Variants in WWC2 observed in about 807,000 individuals in gnomAD.
WWC2 encodes WW and C2 domain containing 2.
Under a neutral mutation model 138.5 loss-of-function variants are expected in WWC2, and 101 were observed. That is an observed-to-expected ratio of 0.73 (90% CI 0.62 to 0.86). The LOEUF (loss-of-function observed/expected upper bound fraction) is 0.86. Among genes scored for constraint, WWC2 ranks in the 40% least tolerant of loss-of-function variants. WWC2 has a pLI of 0.00. For missense variants in WWC2, 1,420 were observed against 1,419.4 expected (o/e 1.00, Z -0.01); for synonymous variants, 558 against 538.4 (o/e 1.04, Z -0.50).
At chr4:183,241,960 TGCAA>T (rs891222798) in intron 5 of WWC2, among the ~76,000 whole-genome samples, 1 of 152,226 alleles carries the variant, frequency 6.6e-6, no homozygotes, top group African/African-American at 2.4e-5. Flanking sequence ...GCAGTTTGCT[TGCAA>T]GCAATTTTTA....
At chr4:183,216,681 C>A (rs1560847971) in intron 4 of WWC2, among the ~76,000 whole-genome samples, 1 of 152,026 alleles carries the variant, frequency 6.6e-6, no homozygotes, top group Non-Finnish European at 1.5e-5. Context: ...GGAGAAGGAC[C>A]CAAACATAGT....
chr4:183,105,458 C>A (rs73002992), intron 1 of WWC2, among the ~76,000 whole-genome samples: 1 of 152,106 alleles, frequency 6.6e-6, no homozygotes, highest in African/African-American at 2.4e-5. Flanking sequence ...TTCTTCTTGC[C>A]GATGCAGGAG....
chr4:183,206,458 A>G (rs544843550), intron 2 of WWC2, among the ~76,000 whole-genome samples: 22 of 152,178 alleles, frequency 1.4e-4, no homozygotes, highest in Non-Finnish European at 2.9e-4. Context: ...ACAATACCAT[A>G]GTTTTTATGC....
chr4:183,195,231 A>C (rs1235645427), intron 2 of WWC2, among the ~76,000 whole-genome samples: 1 of 152,226 alleles, frequency 6.6e-6, no homozygotes, highest in Non-Finnish European at 1.5e-5. Flanking sequence ...TGTATTAACT[A>C]TTTAACTCTC....
chr4:183,151,805 A>C (rs1002276928), intron 1 of WWC2, among the ~76,000 whole-genome samples: 15 of 152,240 alleles, frequency 9.9e-5, no homozygotes, highest in East Asian at 1.9e-4. Context: ...GAATCCTTTC[A>C]ACATTTCTTG....
intron 4 of WWC2, among the ~76,000 whole-genome samples, chr4:183,234,617 C>A (rs1262972310): frequency 2.6e-5 from 4 of 152,064 alleles, no homozygotes; most frequent in Non-Finnish European, 4.4e-5. Flanking sequence ...TCTAGATAGA[C>A]TGTGATAGCA....
At chr4:183,250,945 A>T (rs1200751882) in intron 8 of WWC2, among the ~76,000 whole-genome samples, 1 of 152,210 alleles carries the variant, frequency 6.6e-6, no homozygotes, top group East Asian at 1.9e-4. Context: ...GCTTTAACAA[A>T]GTAAAATAAA....
chr4:183,308,383 A>G (rs939744653), intron 21 of WWC2, among the ~76,000 whole-genome samples: 1 of 152,214 alleles, frequency 6.6e-6, no homozygotes, highest in Admixed American at 6.5e-5. Flanking sequence ...TAAAGTTTAT[A>G]TGGAGAGGCA....
At chr4:183,142,308 A>G (rs779733980) in intron 1 of WWC2, among the ~76,000 whole-genome samples, 2 of 152,204 alleles carry the variant, frequency 1.3e-5, no homozygotes, top group African/African-American at 2.4e-5. Context: ...ACTGCAATAC[A>G]CATTTTCCTG....
intron 5 of WWC2, among the ~76,000 whole-genome samples, chr4:183,245,005 G>A (rs950778281): frequency 2.0e-5 from 3 of 152,192 alleles, no homozygotes; most frequent in South Asian, 2.1e-4. Context: ...GGGCTGAGAC[G>A]TGCGGATCAC....
At chr4:183,168,039 G>A (rs1734172519) in intron 1 of WWC2, among the ~76,000 whole-genome samples, 1 of 151,938 alleles carries the variant, frequency 6.6e-6, no homozygotes, top group South Asian at 2.1e-4. Flanking sequence ...TGTATTTTTA[G>A]TAGAGACAGG....
chr4:183,255,877 CT>C (rs551883972), intron 9 of WWC2, among the ~76,000 whole-genome samples: 792 of 140,380 alleles, frequency 5.6e-3, no homozygotes, highest in Non-Finnish European at 6.0e-3. Flanking sequence ...GCTTTTTTTC[CT>C]TTTTTTTTTT....
intron 21 of WWC2, among the ~76,000 whole-genome samples, chr4:183,296,204 C>G (rs1738625540): frequency 6.6e-6 from 1 of 152,218 alleles, no homozygotes. Flanking sequence ...GTGTACAAAG[C>G]CAAGTGAAGT....
intron 2 of WWC2, among the ~76,000 whole-genome samples, chr4:183,199,322 C>T (rs1457934278): frequency 6.6e-6 from 1 of 152,134 alleles, no homozygotes; most frequent in East Asian, 1.9e-4. Context: ...AAGCCTGTTC[C>T]ACGGAACTGT....
At chr4:183,152,500 T>TA (rs1007359217) in intron 1 of WWC2, among the ~76,000 whole-genome samples, 1 of 124,926 alleles carries the variant, frequency 8.0e-6, no homozygotes, top group African/African-American at 3.1e-5. Context: ...CCCTGCCTCT[T>TA]AAAAAAAAGA....
chr4:183,133,832 T>C (rs773752127), intron 1 of WWC2, among the ~76,000 whole-genome samples: 8 of 152,188 alleles, frequency 5.3e-5, no homozygotes, highest in Non-Finnish European at 1.0e-4. Flanking sequence ...GCATTAAGAT[T>C]ATGCACCATG....
At chr4:183,278,165 G>A (rs1737931729) in intron 16 of WWC2, among the ~76,000 whole-genome samples, 1 of 152,074 alleles carries the variant, frequency 6.6e-6, no homozygotes, top group Non-Finnish European at 1.5e-5. Flanking sequence ...TAAGGTATAA[G>A]GAAGGGATCC....
At chr4:183,264,089 G>C (rs558031678) in intron 11 of WWC2, among the ~76,000 whole-genome samples, 1 of 152,150 alleles carries the variant, frequency 6.6e-6, no homozygotes, top group African/African-American at 2.4e-5. Context: ...CACAAAGGGG[G>C]GTGGGCGGAG....
At chr4:183,291,388 G>A (rs1738446421) in intron 21 of WWC2, among the ~76,000 whole-genome samples, 8 of 152,208 alleles carry the variant, frequency 5.3e-5, no homozygotes, top group Admixed American at 5.2e-4. Context: ...TTATGAAATG[G>A]AAGATTGAAT....
Sources: allele counts gnomAD v4.1 joint callset (sites outside exome capture counted in the v4.1 genomes callset), GRCh38; gene constraint gnomAD v4.1.1; transcripts MANE v1.5; gene names NCBI Gene and HGNC (gene_info 2026-07-23, HGNC 2026-07-21).